SLC9C2: variants seen among roughly 807,000 people sequenced by gnomAD.
SLC9C2 encodes the protein sodium/hydrogen exchanger 11.
A neutral mutation model predicts 140.2 loss-of-function variants in SLC9C2; 75 were observed. The observed-to-expected ratio is 0.53, with a 90% CI of 0.44 to 0.65. The LOEUF is 0.65. SLC9C2 is among the 30% of genes least tolerant of loss of function. SLC9C2 has a pLI of 0.00. For synonymous variants in SLC9C2, 375 were observed against 420.9 expected (o/e 0.89, Z 1.34); for missense variants, 1,074 against 1,331.8 (o/e 0.81, Z 3.01).
At position 173,529,885 on chromosome 1, in the gene SLC9C2, G is replaced by T; in HGVS notation, c.2313+20C>A. ...ACCTAAGGGGTTTTTCTCCCCAAAT[G>T]ACCAGTGCTTGTTTCTCACCTGATA... On this transcript the variant is annotated intron_variant, in intron 18 of 27. Transcript: ENST00000367714. 6.3e-7 allele frequency: 1 copy of T among 1,596,166 alleles called. No individual in the cohort carries two copies. The highest frequency in any genetic ancestry group is 1.1e-5 in the South Asian group (1 of 87,174).
At chr1:173,522,135 T>C (rs934937643) in intron 21 of SLC9C2, among the ~76,000 whole-genome samples, 1 of 151,074 alleles carries the variant, frequency 6.6e-6, no homozygotes, top group African/African-American at 2.4e-5. Flanking sequence ...GGCAGGAGAA[T>C]GGCGTGAACC....
At chr1:173,586,529 G>C (rs1665856617) in intron 5 of SLC9C2, among the ~76,000 whole-genome samples, 1 of 152,130 alleles carries the variant, frequency 6.6e-6, no homozygotes, top group South Asian at 2.1e-4. Context: ...CCATTACTGG[G>C]TATATACCCA....
rs1202517282 is a variant in SLC9C2 at position 173,541,182 on chromosome 1, C to CA, written c.1558-4144dup. Among the ~76,000 whole-genome samples the CA allele has an allele frequency of 2.7e-3, 350 of 132,058 alleles. 2 individuals are homozygous for CA. The highest frequency in any genetic ancestry group is 6.4e-3 in the African/African-American group (225 of 35,302). 86.6% of individuals were successfully genotyped at this position (132,058 alleles called of 152,430 possible). On this transcript the variant is annotated intron_variant, in intron 13 of 27. Coordinates refer to ENST00000367714, the MANE Select transcript of SLC9C2 (RefSeq NM_178527.4). ...GAAGATCTACCAAGCAAATGGAAAG[C>CA]AAAAAAAAAAAGCAGGGGTTGCAAT...
chr1:173,531,949 T>G (rs1409405758), intron 17 of SLC9C2, among the ~76,000 whole-genome samples: 1 of 152,214 alleles, frequency 6.6e-6, no homozygotes, highest in African/African-American at 2.4e-5. Context: ...ACAGTTTACA[T>G]GACGGTGGAG....
intron 26 of SLC9C2, among the ~76,000 whole-genome samples, chr1:173,503,529 A>G (rs953057672): frequency 6.6e-6 from 1 of 152,154 alleles, no homozygotes; most frequent in African/African-American, 2.4e-5. Context: ...ACAAACTCAT[A>G]TGAGAATAGG....
chr1:173,596,254 G>A (rs1666450697), intron 4 of SLC9C2, among the ~76,000 whole-genome samples: 1 of 152,136 alleles, frequency 6.6e-6, no homozygotes, highest in South Asian at 2.1e-4. Flanking sequence ...TAAAGGTTTT[G>A]TAAACATAAG....
At chr1:173,515,093 T>A (rs1055272069) in intron 23 of SLC9C2, among the ~76,000 whole-genome samples, 1 of 152,178 alleles carries the variant, frequency 6.6e-6, no homozygotes, top group South Asian at 2.1e-4. Flanking sequence ...CATTTTTTCC[T>A]TCATTTCAAC....
intron 22 of SLC9C2, among the ~76,000 whole-genome samples, chr1:173,519,262 A>T (rs1660636997): frequency 6.6e-6 from 1 of 152,172 alleles, no homozygotes; most frequent in East Asian, 1.9e-4. Flanking sequence ...TAGGAGCTCA[A>T]GGTGGGCTCC....
At chr1:173,599,736 T>G (rs985542163) in intron 3 of SLC9C2, among the ~76,000 whole-genome samples, 1 of 152,058 alleles carries the variant, frequency 6.6e-6, no homozygotes, top group Non-Finnish European at 1.5e-5. Context: ...CCTAAGTCAC[T>G]AGGATTACAG....
At chr1:173,501,789 A>G (rs1659293254) in intron 27 of SLC9C2, among the ~76,000 whole-genome samples, 1 of 152,132 alleles carries the variant, frequency 6.6e-6, no homozygotes. Flanking sequence ...AGGGCTGCCT[A>G]AAAAGAACCA....
intron 9 of SLC9C2, among the ~76,000 whole-genome samples, chr1:173,569,597 C>T (rs1485531106): frequency 6.6e-6 from 1 of 152,066 alleles, no homozygotes; most frequent in Non-Finnish European, 1.5e-5. Flanking sequence ...ACTTGCCCTT[C>T]TGAGGTTATT....
chr1:173,601,995 C>A, intron 1 of SLC9C2, 140 bp from the exon 2 acceptor site: 1 of 517,422 alleles, frequency 1.9e-6, no homozygotes. Context: ...TTGTCCTACC[C>A]CTTGCTCCAA....
At chr1:173,538,034 G>T (rs2102012534) in intron 13 of SLC9C2, among the ~76,000 whole-genome samples, 1 of 152,298 alleles carries the variant, frequency 6.6e-6, no homozygotes, top group Non-Finnish European at 1.5e-5. Flanking sequence ...TTTCAGGAAA[G>T]GAGAGAATTC....
chr1:173,504,210 G>A (rs1257760200), intron 26 of SLC9C2, among the ~76,000 whole-genome samples: 1 of 152,120 alleles, frequency 6.6e-6, no homozygotes, highest in Non-Finnish European at 1.5e-5. Flanking sequence ...TCACAGTGCT[G>A]CATATGACCC....
rs184539741 is a variant in SLC9C2 at position 173,586,514 on chromosome 1, C to T, written c.523+1151G>A. On this transcript the variant is annotated intron_variant, in intron 5 of 27. Transcript: ENST00000367714. ...AATAAAACCTGACCGTTTGACCCAG[C>T]AATCCCATTACTGGGTATATACCCA... is the stretch of plus-strand genomic sequence containing the variant. Among the ~76,000 whole-genome samples the T allele has an allele frequency of 1.1e-3, 174 of 152,246 alleles. 2 individuals are homozygous for T. Among genetic ancestry groups the T allele is most frequent in the African/African-American group, 4.0e-3 (166 of 41,504 alleles).
chr1:173,530,149 G>C lies in SLC9C2; in HGVS notation c.2164-95C>G, dbSNP rs892040432. ...TTCATAAAGTGTCATCTCCAGACCA[G>C]CAACAGCAGAGCCCACAAACTTGTT... On this transcript the variant is annotated intron_variant, in intron 17 of 27. Transcript: ENST00000367714. 9 of 1,119,446 alleles carry C rather than the reference G, an allele frequency of 8.0e-6. No homozygotes were observed. In the Admixed American group the frequency reaches 2.3e-4, roughly 29 times the overall value. 69.3% of individuals were successfully genotyped at this position (1,119,446 alleles called of 1,614,324 possible). A position where few individuals can be genotyped will look rare whatever the true frequency, so the allele number is the denominator to read the frequency against.
chr1:173,601,732 ATCAGG>A lies in SLC9C2; in HGVS notation c.40_44del (p.Pro14PhefsTer8). The A allele has an allele frequency of 6.2e-7, 1 of 1,614,130 alleles. No homozygotes were observed. The highest frequency in any genetic ancestry group is 8.5e-7 in the Non-Finnish European group (1 of 1,179,978). ...AGTCAGCTGGCTGCCCGCAGAGTAAATCAGGTCTGTTACTTTCATTTTGTGCCCAG... is the reference window on the plus strand; with the variant it reads ...AGTCAGCTGGCTGCCCGCAGAGTAAATCTGTTACTTTCATTTTGTGCCCAG... On this transcript the variant is annotated frameshift_variant, in exon 2 of 28. Transcript: ENST00000367714. LOFTEE classifies it high-confidence loss of function.
rs1571623013 is a variant in SLC9C2 at position 173,587,824 on chromosome 1, A to G, written c.364T>C (p.Leu122=). 6.2e-7 allele frequency: 1 copy of G among 1,611,376 alleles called. No individual in the cohort carries two copies. The highest frequency in any genetic ancestry group is 8.5e-7 in the Non-Finnish European group (1 of 1,178,782). The change falls in exon 5 of 28, where the codon TTA becomes CTA. Residue 122 remains leucine (L), a synonymous_variant. Coordinates refer to ENST00000367714, the MANE Select transcript of SLC9C2 (RefSeq NM_178527.4). ...GTAGAAAAGCTAATTAATCCAGTTA[A>G]CAAGACCTGTGAACCAATTCATAAC... ...TLKKMFWQVL[L]TGLISFSTAS... is the part of the protein sequence containing the mutation.
intron 19 of SLC9C2, among the ~76,000 whole-genome samples, chr1:173,526,094 T>A (rs929145865): frequency 1.3e-5 from 2 of 152,210 alleles, no homozygotes; most frequent in African/African-American, 2.4e-5. Context: ...CTCTACCAGA[T>A]GCTTTTGCAC....
Sources: gnomAD v4.1 joint callset for allele counts (sites outside exome capture counted in the v4.1 genomes callset) on GRCh38, gnomAD v4.1.1 for gene constraint, MANE v1.5 for transcripts, NCBI Gene and HGNC (gene_info 2026-07-23, HGNC 2026-07-21) for gene names.